DCDC2C: variants seen among roughly 807,000 people sequenced by gnomAD.
The protein encoded by DCDC2C is doublecortin domain containing 2C, also known as doublecortin domain-containing protein 2C.
DCDC2C carries 44 observed loss-of-function variants against 45.0 expected under a neutral mutation model. The observed-to-expected ratio is 0.98, with a 90% CI of 0.77 to 1.26. The LOEUF (loss-of-function observed/expected upper bound fraction) is 1.26, where lower values mean the gene tolerates loss of function less well. Ranked by LOEUF, DCDC2C falls within the 50% of genes most tolerant of loss-of-function variation. The pLI is 0.00. For synonymous variants in DCDC2C, 187 were observed against 178.8 expected, an observed-to-expected ratio of 1.05 and a Z score of -0.37; for missense variants, 447 against 468.9, an observed-to-expected ratio of 0.95 and a Z score of 0.43.
intron 9 of DCDC2C, among the ~76,000 whole-genome samples, chr2:3,783,365 C>G (rs1267327641): frequency 6.6e-6 from 1 of 152,164 alleles, no homozygotes; most frequent in East Asian, 1.9e-4. Flanking sequence ...AGCTCTCACC[C>G]ACTTCCAGGG....
intron 4 of DCDC2C, 52 bp from the exon 5 acceptor site, chr2:3,752,711 T>C: frequency 6.5e-7 from 1 of 1,543,364 alleles, no homozygotes; most frequent in Non-Finnish European, 8.8e-7. Flanking sequence ...CCCCAAGCCC[T>C]ATGCTACTGG....
intron 4 of DCDC2C, among the ~76,000 whole-genome samples, chr2:3,750,828 A>C (rs1442559846): frequency 6.6e-6 from 1 of 151,952 alleles, no homozygotes; most frequent in East Asian, 1.9e-4. Flanking sequence ...TCTTACTGTA[A>C]CTTCCTTTTG....
At chr2:3,762,221 C>T (rs1368944753) in intron 6 of DCDC2C, among the ~76,000 whole-genome samples, 1 of 141,412 alleles carries the variant, frequency 7.1e-6, no homozygotes, top group Non-Finnish European at 1.5e-5. Flanking sequence ...ACAAAAGCCA[C>T]CTGGAGTGCC....
At chr2:3,826,334 A>C (rs1230586964) in intron 10 of DCDC2C, among the ~76,000 whole-genome samples, 1 of 152,184 alleles carries the variant, frequency 6.6e-6, no homozygotes, top group African/African-American at 2.4e-5. Flanking sequence ...TTCCAATTAT[A>C]GTTTTAAAAT....
intron 3 of DCDC2C, among the ~76,000 whole-genome samples, chr2:3,729,592 G>A (rs577480576): frequency 2.6e-4 from 39 of 152,330 alleles, no homozygotes; most frequent in African/African-American, 9.1e-4. Flanking sequence ...CTGCAAGCTG[G>A]CAGTTCTGGA....
intron 10 of DCDC2C, among the ~76,000 whole-genome samples, chr2:3,842,637 T>TAAAAAA (rs3067135): frequency 1.4e-5 from 2 of 139,248 alleles, no homozygotes; most frequent in African/African-American, 2.7e-5. Context: ...TAATTTGCAG[T>TAAAAAA]AAAAAAAAAA....
chr2:3,760,696 G>A (rs1201006154), intron 6 of DCDC2C, among the ~76,000 whole-genome samples: 1 of 152,100 alleles, frequency 6.6e-6, no homozygotes, highest in African/African-American at 2.4e-5. Context: ...GGGGAAAGGG[G>A]AGGGAGAGCG....
intron 8 of DCDC2C, among the ~76,000 whole-genome samples, chr2:3,771,240 C>A (rs958592034): frequency 1.3e-5 from 2 of 152,212 alleles, no homozygotes; most frequent in African/African-American, 2.4e-5. Flanking sequence ...CACAGCACAC[C>A]TGGGGAGGAC....
At chr2:3,772,422 C>T (rs1670198715) in intron 8 of DCDC2C, among the ~76,000 whole-genome samples, 1 of 152,228 alleles carries the variant, frequency 6.6e-6, no homozygotes, top group Non-Finnish European at 1.5e-5. Flanking sequence ...GACTTTGACT[C>T]CGCAGCCCCC....
At chr2:3,778,946 A>G in intron 9 of DCDC2C, 62 bp downstream of exon 9, 1 of 1,464,016 alleles carries the variant, frequency 6.8e-7, no homozygotes, top group Non-Finnish European at 9.3e-7. Flanking sequence ...CTTTGAACAG[A>G]GCTCACGTTT....
At chr2:3,746,073 C>T (rs890726571) in intron 4 of DCDC2C, among the ~76,000 whole-genome samples, 8 of 151,956 alleles carry the variant, frequency 5.3e-5, no homozygotes, top group South Asian at 2.1e-4. Flanking sequence ...TGGAAAAAGG[C>T]GCTCGTAGAG....
chr2:3,723,070 T>C (rs1354596911), intron 2 of DCDC2C, among the ~76,000 whole-genome samples: 1 of 152,176 alleles, frequency 6.6e-6, no homozygotes, highest in African/African-American at 2.4e-5. Flanking sequence ...GGCCTCTCTT[T>C]TCCTGGAATC....
intron 10 of DCDC2C, among the ~76,000 whole-genome samples, chr2:3,829,874 G>C (rs943266759): frequency 2.4e-4 from 37 of 152,148 alleles, no homozygotes; most frequent in African/African-American, 8.2e-4. Context: ...CTCTGCTTTT[G>C]ATGGCTGTTA....
chr2:3,846,712 AAG>A (rs1053773164), intron 10 of DCDC2C, among the ~76,000 whole-genome samples: 2 of 152,170 alleles, frequency 1.3e-5, no homozygotes, highest in African/African-American at 4.8e-5. Flanking sequence ...ATAGCTCTTC[AAG>A]AGAGTTATTC....
At chr2:3,840,960 A>G (rs1324931655) in intron 10 of DCDC2C, among the ~76,000 whole-genome samples, 1 of 152,182 alleles carries the variant, frequency 6.6e-6, no homozygotes, top group African/African-American at 2.4e-5. Flanking sequence ...ATGACTATGC[A>G]TGGAGCCTTC....
chr2:3,769,541 A>C (rs1670108932), intron 8 of DCDC2C, 130 bp downstream of exon 8: 1 of 776,556 alleles, frequency 1.3e-6, no homozygotes. Flanking sequence ...TGTTCCTCCT[A>C]GTTAGAGACT....
chr2:3,774,690 CCTTTA>C (rs1390194672), intron 8 of DCDC2C, among the ~76,000 whole-genome samples: 1 of 152,186 alleles, frequency 6.6e-6, no homozygotes, highest in Non-Finnish European at 1.5e-5. Flanking sequence ...GCGGAATCAG[CCTTTA>C]CTTCTCGTGT....
At chr2:3,809,034 C>T (rs73146864) in intron 10 of DCDC2C, among the ~76,000 whole-genome samples, 4 of 152,134 alleles carry the variant, frequency 2.6e-5, no homozygotes, top group African/African-American at 9.7e-5. Context: ...AAGTTACTTG[C>T]ATTTTTTATA....
intron 10 of DCDC2C, among the ~76,000 whole-genome samples, chr2:3,794,096 T>C (rs1461242733): frequency 2.0e-5 from 3 of 152,228 alleles, no homozygotes; most frequent in Admixed American, 1.3e-4. Flanking sequence ...TTAAAATCTA[T>C]TGTTATATTC....
Sources: gnomAD v4.1 joint callset for allele counts (sites outside exome capture counted in the v4.1 genomes callset) on GRCh38, gnomAD v4.1.1 for gene constraint, MANE v1.5 for transcripts, NCBI Gene and HGNC (gene_info 2026-07-23, HGNC 2026-07-21) for gene names.